Variants in ZNF236 observed in about 807,000 individuals in gnomAD.
ZNF236 encodes zinc finger protein 236, also known as regulated by glucose.
Under a neutral mutation model 191.2 loss-of-function variants are expected in ZNF236, and 50 were observed. That is an observed-to-expected ratio of 0.26 (90% CI 0.21 to 0.33). The LOEUF (loss-of-function observed/expected upper bound fraction) is 0.33, where lower values mean the gene tolerates loss of function less well. Ranked by LOEUF, ZNF236 falls within the 10% of genes least tolerant of loss-of-function variation. ZNF236 has a pLI of 1.00. For missense variants in ZNF236, 1,754 were observed against 2,374.5 expected, an observed-to-expected ratio of 0.74 and a Z score of 5.43; for synonymous variants, 907 against 928.8, an observed-to-expected ratio of 0.98 and a Z score of 0.43.
intron 20 of ZNF236, among the ~76,000 whole-genome samples, chr18:76,922,800 C>G (rs904773463): frequency 6.6e-6 from 1 of 152,026 alleles, no homozygotes; most frequent in Non-Finnish European, 1.5e-5. Context: ...CAGGTGATCT[C>G]CCTGCCTCAG....
chr18:76,840,408 C>G (rs747303496), intron 1 of ZNF236, among the ~76,000 whole-genome samples: 1 of 151,906 alleles, frequency 6.6e-6, no homozygotes, highest in African/African-American at 2.4e-5. Flanking sequence ...GCAGGAGAAT[C>G]GCTTGAACCC....
intron 7 of ZNF236, among the ~76,000 whole-genome samples, chr18:76,879,442 T>G (rs1392661537): frequency 1.3e-5 from 2 of 152,240 alleles, no homozygotes; most frequent in Non-Finnish European, 2.9e-5. Context: ...TATATTATTA[T>G]TAGTAACCAA....
intron 1 of ZNF236, among the ~76,000 whole-genome samples, chr18:76,843,817 A>G (rs8092594): frequency 1 from 110,867 of 111,050 alleles, 55,344 homozygotes; most frequent in Middle Eastern, 1. Flanking sequence ...TAAAGAAGAG[A>G]CCGGGCGCAG....
At chr18:76,904,916 A>C (rs998334211) in intron 12 of ZNF236, among the ~76,000 whole-genome samples, 2 of 152,214 alleles carry the variant, frequency 1.3e-5, no homozygotes, top group South Asian at 4.1e-4. Flanking sequence ...AAAAAAGTAT[A>C]GAACTTAGAA....
chr18:76,960,296 A>G lies in ZNF236; in HGVS notation c.5243-383A>G, dbSNP rs59854914. ...ACGGAACAAAGAAACAAGCTCTTCCATCTTCTGCCTCTTGACTGTACATGA... is the reference window on the plus strand; with the variant it reads ...ACGGAACAAAGAAACAAGCTCTTCCGTCTTCTGCCTCTTGACTGTACATGA... On this transcript the variant is annotated intron_variant, in intron 29 of 30. Transcript: ENST00000320610. This position sits in a 1 kb window ranked among gnomAD's most constrained non-coding sequence, Gnocchi z 4.4. Among the ~76,000 whole-genome samples, 499 of 152,316 alleles carry G rather than the reference A, an allele frequency of 3.3e-3. 3 individuals carry two copies. Among genetic ancestry groups the G allele is most frequent in the African/African-American group, 0.011 (475 of 41,564 alleles).
In ZNF236 at chr18:76,825,969, C is replaced by G. The variant is rs575496370; in HGVS notation, c.55+3307C>G. Among the ~76,000 whole-genome samples, 8 of 152,320 alleles carry G rather than the reference C, an allele frequency of 5.3e-5. No individual in the cohort carries two copies. The South Asian group carries it at 1.2e-3, about 24-fold the overall frequency. ...TGAAACCAAAATGAGGGACATTGCTCTATCACTTACTGTGTTAATCACATT... is the reference window on the plus strand; with the variant it reads ...TGAAACCAAAATGAGGGACATTGCTGTATCACTTACTGTGTTAATCACATT... On this transcript the variant is annotated intron_variant, in intron 1 of 30. Transcript: ENST00000320610.
intron 1 of ZNF236, among the ~76,000 whole-genome samples, chr18:76,844,423 T>C (rs929935603): frequency 1.3e-5 from 2 of 151,900 alleles, no homozygotes; most frequent in Non-Finnish European, 2.9e-5. Flanking sequence ...CTTAGAGGAA[T>C]AGGGGGTGAC....
At chr18:76,949,966 T>A (rs200582587) in intron 27 of ZNF236, among the ~76,000 whole-genome samples, 2 of 214 alleles carry the variant, frequency 9.3e-3, no homozygotes, top group East Asian at 0.5. Flanking sequence ...CAGCATTACG[T>A]TTTTTTTTTA....
intron 1 of ZNF236, among the ~76,000 whole-genome samples, chr18:76,830,118 C>T (rs902216262): frequency 6.6e-6 from 1 of 152,184 alleles, no homozygotes; most frequent in Non-Finnish European, 1.5e-5. Flanking sequence ...ATCCACCCAC[C>T]TCGGCCTCCC....
intron 19 of ZNF236, among the ~76,000 whole-genome samples, chr18:76,917,389 A>C (rs983465780): frequency 4.6e-5 from 7 of 152,208 alleles, no homozygotes; most frequent in Admixed American, 4.6e-4. Flanking sequence ...CAATTAATAA[A>C]GCTTCTAATG....
At chr18:76,968,044 G>C (rs553180810) in intron 30 of ZNF236, among the ~76,000 whole-genome samples, 171 bp from the exon 31 acceptor site, 2 of 152,124 alleles carry the variant, frequency 1.3e-5, no homozygotes, top group Non-Finnish European at 2.9e-5. Flanking sequence ...CTGTCCTGCC[G>C]GCAGAGGTGT....
chr18:76,837,143 C>CCCCCCCCCCCCG (rs1975358526), intron 1 of ZNF236, among the ~76,000 whole-genome samples: 4 of 125,870 alleles, frequency 3.2e-5, no homozygotes, highest in African/African-American at 8.6e-5. Flanking sequence ...CCCCCCCGCC[C>CCCCCCCCCCCCG]CGCAAGCCTC....
chr18:76,972,175 C>G lies in ZNF236; in HGVS notation c.*3836C>G, dbSNP rs1968916183. On this transcript the variant is annotated 3_prime_UTR_variant, in exon 31 of 31. Transcript: ENST00000320610. ...TTAATGTCGTATCTGTACTTGGGGC[C>G]TCTACACCTTTCCCATATTCTAATG... 6.6e-6 allele frequency among the ~76,000 whole-genome samples: 1 copy of G among 152,210 alleles called. No individual in the cohort carries two copies. Among genetic ancestry groups the G allele is most frequent in the Non-Finnish European group, 1.5e-5 (1 of 68,036 alleles).
intron 13 of ZNF236, among the ~76,000 whole-genome samples, chr18:76,906,330 T>C (rs1481066948): frequency 2.0e-5 from 3 of 152,216 alleles, no homozygotes; most frequent in Non-Finnish European, 4.4e-5. Context: ...CGGTGTTATA[T>C]GTGGACTCCT....
Position 76,895,415 on chromosome 18 carries a change from G to A in ZNF236, c.1690+130G>A, listed in dbSNP as rs1411789330. 3.1e-6 allele frequency: 4 copies of A among 1,288,658 alleles called. No homozygotes were observed. The East Asian group carries it at 7.4e-5, about 24-fold the overall frequency. The allele number at this position is 1,288,658 out of a possible 1,614,324, so 79.8% of individuals were successfully genotyped here. On this transcript the variant is annotated intron_variant, in intron 10 of 30. Transcript: ENST00000320610. ...TACTGCACACAAGTACTGCTCACAG[G>A]GACTGCACAAAGTATCACACACAGT...
intron 1 of ZNF236, among the ~76,000 whole-genome samples, chr18:76,846,589 T>C (rs1030488486): frequency 6.6e-6 from 1 of 152,238 alleles, no homozygotes; most frequent in Non-Finnish European, 1.5e-5. Context: ...TTGTTGTTTT[T>C]AAACAATTTT....
At chr18:76,920,426 C>CTGTA in intron 20 of ZNF236, among the ~76,000 whole-genome samples, 1 of 151,626 alleles carries the variant, frequency 6.6e-6, no homozygotes, top group East Asian at 1.9e-4. Flanking sequence ...TGGTGGGTGC[C>CTGTA]TGTAATCCCA....
intron 3 of ZNF236, among the ~76,000 whole-genome samples, chr18:76,857,665 C>T (rs1599337202): frequency 6.6e-6 from 1 of 152,306 alleles, no homozygotes; most frequent in African/African-American, 2.4e-5. Context: ...TCTCCTGCAC[C>T]CTTGCCCGCC....
chr18:76,857,866 A>T (rs1976090582), intron 3 of ZNF236, among the ~76,000 whole-genome samples: 1 of 152,230 alleles, frequency 6.6e-6, no homozygotes, highest in Non-Finnish European at 1.5e-5. Context: ...ATTTAGATTC[A>T]GGGGAGAACT....
Sources: allele counts gnomAD v4.1 joint callset (sites outside exome capture counted in the v4.1 genomes callset), GRCh38; gene constraint gnomAD v4.1.1; non-coding constraint Gnocchi (gnomAD v3.1); transcripts MANE v1.5; gene names NCBI Gene and HGNC (gene_info 2026-07-23, HGNC 2026-07-21).